EIPR1: variants seen among roughly 807,000 people sequenced by gnomAD.
EIPR1 encodes EARP and GARP complex-interacting protein 1.
A neutral mutation model predicts 48.1 loss-of-function variants in EIPR1; 25 were observed. That is an observed-to-expected ratio of 0.52 (90% CI 0.38 to 0.73). The LOEUF is 0.73. Ranked by LOEUF, EIPR1 falls within the 30% of genes least tolerant of loss-of-function variation. The pLI is 0.00. For synonymous variants in EIPR1, 204 were observed against 201.9 expected (o/e 1.01, Z -0.09); for missense variants, 415 against 506.2 (o/e 0.82, Z 1.73).
At chr2:3,191,634 G>A (rs1572270776) in intron 8 of EIPR1, among the ~76,000 whole-genome samples, 1 of 152,146 alleles carries the variant, frequency 6.6e-6, no homozygotes, top group Non-Finnish European at 1.5e-5. Context: ...CTGGAACCTG[G>A]GGCAAGAATC....
rs560496749 is a variant in EIPR1 at position 3,223,612 on chromosome 2, T to G, written c.417-9364A>C. Among the ~76,000 whole-genome samples the G allele has an allele frequency of 3.7e-4, 56 of 152,240 alleles. No individual in the cohort carries two copies. The East Asian group carries it at 6.0e-3, about 16-fold the overall frequency. Reference sequence around the variant, plus strand: ...TCACCCTAGAACCCCATGGAAAGGGTTTGCTACTCAGTATCCAAAGCGCCC... The same window carrying G: ...TCACCCTAGAACCCCATGGAAAGGGGTTGCTACTCAGTATCCAAAGCGCCC... On this transcript the variant is annotated intron_variant, in intron 4 of 8. Transcript: ENST00000382125.
intron 3 of EIPR1, among the ~76,000 whole-genome samples, chr2:3,329,097 C>T (rs1377816728): frequency 1.4e-5 from 2 of 142,542 alleles, no homozygotes; most frequent in Non-Finnish European, 3.1e-5. Context: ...TGAATCAGAG[C>T]CCACCCACCA....
At chr2:3,212,576 T>C (rs1558226585) in intron 5 of EIPR1, among the ~76,000 whole-genome samples, 1 of 152,148 alleles carries the variant, frequency 6.6e-6, no homozygotes, top group East Asian at 1.9e-4. Context: ...AGGTTTATAG[T>C]TATGTAGGAA....
At chr2:3,330,618 T>G (rs1236289114) in intron 3 of EIPR1, among the ~76,000 whole-genome samples, 1 of 151,232 alleles carries the variant, frequency 6.6e-6, no homozygotes, top group South Asian at 2.1e-4. Context: ...TGAGATGGTG[T>G]GAGTGGAGGC....
At chr2:3,206,689 A>T (rs1007028542) in intron 5 of EIPR1, among the ~76,000 whole-genome samples, 7 of 152,232 alleles carry the variant, frequency 4.6e-5, no homozygotes, top group African/African-American at 7.2e-5. Context: ...CCCAAAATGC[A>T]GATGTGACCT....
In EIPR1 at chr2:3,202,629, T is replaced by C. The variant is rs544309422; in HGVS notation, c.517-5612A>G. Reference sequence around the variant, plus strand: ...GTGTGTGCGAAACACCACAGGGCCATTCCAGAAGGGGAAGGCCCGAAATCT... The same window carrying C: ...GTGTGTGCGAAACACCACAGGGCCACTCCAGAAGGGGAAGGCCCGAAATCT... On this transcript the variant is annotated intron_variant, in intron 5 of 8. Coordinates refer to ENST00000382125, the MANE Select transcript of EIPR1 (RefSeq NM_003310.5). Among the ~76,000 whole-genome samples the C allele has an allele frequency of 5.9e-5, 9 of 152,274 alleles. No homozygotes were observed. In the South Asian group the frequency reaches 1.9e-3, roughly 32 times the overall value.
intron 3 of EIPR1, among the ~76,000 whole-genome samples, chr2:3,292,474 T>C (rs1241668066): frequency 6.6e-6 from 1 of 151,676 alleles, no homozygotes; most frequent in South Asian, 2.1e-4. Flanking sequence ...CAGCCCCCCG[T>C]ACCTCACAGA....
At chr2:3,232,237 T>C (rs1031125192) in intron 4 of EIPR1, among the ~76,000 whole-genome samples, 22 of 152,226 alleles carry the variant, frequency 1.4e-4, no homozygotes, top group Non-Finnish European at 3.2e-4. Flanking sequence ...TGTCAACTTC[T>C]TTATCTTTTC....
chr2:3,293,513 C>T (rs1018676812), intron 3 of EIPR1, among the ~76,000 whole-genome samples: 3 of 152,204 alleles, frequency 2.0e-5, no homozygotes, highest in Admixed American at 6.5e-5. Flanking sequence ...GTTTAGGCTG[C>T]AAAACAGCAC....
chr2:3,351,898 C>G (rs796964227), intron 2 of EIPR1, among the ~76,000 whole-genome samples: 7 of 152,346 alleles, frequency 4.6e-5, no homozygotes, highest in African/African-American at 1.7e-4. Context: ...GTCTAAATCA[C>G]ATACCATTCT....
intron 8 of EIPR1, 145 bp downstream of exon 8, chr2:3,192,267 TGA>T: frequency 1.0e-6 from 1 of 982,178 alleles, no homozygotes; most frequent in Non-Finnish European, 1.4e-6. Flanking sequence ...CCTGGAACTG[TGA>T]GTCCCCACAG....
At position 3,311,361 on chromosome 2, in the gene EIPR1, C is replaced by A. The variant is rs952718789; in HGVS notation, c.259+26656G>T. Among the ~76,000 whole-genome samples the A allele has an allele frequency of 2.0e-5, 3 of 152,024 alleles. No homozygotes were observed. The East Asian group carries it at 5.8e-4, about 29-fold the overall frequency. ...TCTTTTGAGATTCCAGAAATGATTT[C>A]TTTTCACATTAAAAAAAAATATTTT... On this transcript the variant is annotated intron_variant, in intron 3 of 8. Coordinates refer to ENST00000382125, the MANE Select transcript of EIPR1 (RefSeq NM_003310.5).
In EIPR1 at chr2:3,345,970, G is replaced by A. The variant is rs185837874; in HGVS notation, c.127-7821C>T. Among the ~76,000 whole-genome samples, 191 of 151,528 alleles carry A rather than the reference G, an allele frequency of 1.3e-3. 1 individual carries two copies. Among genetic ancestry groups the A allele is most frequent in the Non-Finnish European group, 6.0e-4 (41 of 68,020 alleles). On this transcript the variant is annotated intron_variant, in intron 2 of 8. Coordinates refer to ENST00000382125, the MANE Select transcript of EIPR1 (RefSeq NM_003310.5). Reference sequence around the variant, plus strand: ...GAAAACCACCACCACCACCACCACCGTGCCAGAGAAATGCGTTAAGGAAAC... The same window carrying A: ...GAAAACCACCACCACCACCACCACCATGCCAGAGAAATGCGTTAAGGAAAC...
intron 1 of EIPR1, among the ~76,000 whole-genome samples, chr2:3,362,911 G>A (rs1220809181): frequency 1.3e-5 from 2 of 152,136 alleles, no homozygotes; most frequent in Admixed American, 6.5e-5. Context: ...CCAGGCTGGG[G>A]GCAGGTACTT....
At chr2:3,371,021 CAGACTA>C (rs1450387455) in intron 1 of EIPR1, among the ~76,000 whole-genome samples, 6 of 152,218 alleles carry the variant, frequency 3.9e-5, no homozygotes, top group Admixed American at 6.5e-5. Context: ...GGAAGCCCAT[CAGACTA>C]ACAGCGGATC....
Position 3,312,995 on chromosome 2 carries a change from A to G in EIPR1, c.259+25022T>C, listed in dbSNP as rs754316441. ...ATCCTGTGTTTTATCTGACAACCCT[A>G]CTTCCGATGCACACTTCGCACCTCA... On this transcript the variant is annotated intron_variant, in intron 3 of 8. Transcript: ENST00000382125. The surrounding 1 kb of genome is among the most constrained non-coding windows in gnomAD (Gnocchi z 5.5). Among the ~76,000 whole-genome samples the G allele has an allele frequency of 4.6e-5, 7 of 152,210 alleles. No individual in the cohort carries two copies. Among genetic ancestry groups the G allele is most frequent in the African/African-American group, 7.2e-5 (3 of 41,452 alleles).
intron 3 of EIPR1, among the ~76,000 whole-genome samples, chr2:3,292,834 T>C (rs1156493647): frequency 1.3e-5 from 2 of 148,536 alleles, no homozygotes; most frequent in African/African-American, 2.5e-5. Context: ...TAATGAGATA[T>C]GAGACAGAGA....
intron 3 of EIPR1, among the ~76,000 whole-genome samples, chr2:3,328,996 T>C (rs11884323): frequency 0.031 from 639 of 20,814 alleles, 52 homozygotes; most frequent in East Asian, 0.079. Flanking sequence ...ACCCACCACG[T>C]TCTAATGATC....
At chr2:3,268,995 G>A (rs1262548176) in intron 3 of EIPR1, among the ~76,000 whole-genome samples, 1 of 152,224 alleles carries the variant, frequency 6.6e-6, no homozygotes, top group East Asian at 1.9e-4. Context: ...AGGCCCACGG[G>A]AGAATCACAG....
Sources: gnomAD v4.1 joint callset for allele counts (sites outside exome capture counted in the v4.1 genomes callset) on GRCh38, gnomAD v4.1.1 for gene constraint, Gnocchi (gnomAD v3.1) non-coding constraint, MANE v1.5 for transcripts, NCBI Gene and HGNC (gene_info 2026-07-23, HGNC 2026-07-21) for gene names.